The following DNAJC21 variants were observed in gnomAD, a reference collection of about 807,000 sequenced individuals.
DNAJC21 encodes dnaJ homolog subfamily C member 21.
Under a neutral mutation model 72.4 loss-of-function variants are expected in DNAJC21, and 63 were observed. That is an observed-to-expected ratio of 0.87 (90% CI 0.71 to 1.07). DNAJC21 has a LOEUF of 1.07. DNAJC21 is among the 50% of genes least tolerant of loss of function. The pLI is 0.00. For missense variants in DNAJC21, 634 were observed against 644.8 expected, an observed-to-expected ratio of 0.98 and a Z score of 0.18; for synonymous variants, 203 against 216.7, an observed-to-expected ratio of 0.94 and a Z score of 0.56.
intron 7 of DNAJC21, among the ~76,000 whole-genome samples, chr5:34,944,086 A>G (rs1365246199): frequency 2.0e-5 from 3 of 152,222 alleles, no homozygotes; most frequent in Non-Finnish European, 2.9e-5. Context: ...ATAGTTGACA[A>G]AGTTTCCTGC....
intron 7 of DNAJC21, among the ~76,000 whole-genome samples, chr5:34,942,590 A>G (rs540035067): frequency 1.3e-5 from 2 of 152,318 alleles, no homozygotes; most frequent in South Asian, 4.1e-4. Flanking sequence ...TGACACACTT[A>G]AAGGTAAATT....
intron 9 of DNAJC21, among the ~76,000 whole-genome samples, chr5:34,946,283 A>G (rs192414724): frequency 6.6e-6 from 1 of 152,290 alleles, no homozygotes; most frequent in African/African-American, 2.4e-5. Flanking sequence ...AGTTTAAGTA[A>G]TTTAAATATT....
intron 9 of DNAJC21, among the ~76,000 whole-genome samples, chr5:34,948,174 A>ATGTT (rs1241111896): frequency 2.6e-5 from 4 of 152,150 alleles, no homozygotes; most frequent in Admixed American, 6.5e-5. Flanking sequence ...TGAAGTGGAG[A>ATGTT]TGTTGGTATG....
At chr5:34,948,455 C>T (rs895325454) in intron 9 of DNAJC21, among the ~76,000 whole-genome samples, 9 of 152,026 alleles carry the variant, frequency 5.9e-5, no homozygotes, top group Non-Finnish European at 1.2e-4. Flanking sequence ...ACTCAAGATC[C>T]AGCTTGCGGG....
chr5:34,940,668 C>T (rs894241346), intron 6 of DNAJC21, among the ~76,000 whole-genome samples: 1 of 150,912 alleles, frequency 6.6e-6, no homozygotes. Context: ...ATCCGTCTTA[C>T]AGTGATGGAA....
intron 7 of DNAJC21, 95 bp downstream of exon 7, chr5:34,941,278 G>T: frequency 1.8e-6 from 2 of 1,105,926 alleles, no homozygotes. Flanking sequence ...ACTCACCACA[G>T]CCTCGACCTG....
rs1765512277 is a variant in DNAJC21 at position 34,955,729 on chromosome 5, G to C, written c.*1015G>C. 1 of 152,012 alleles carries C rather than the reference G, an allele frequency of 6.6e-6. No individual in the cohort carries two copies. The highest frequency in any genetic ancestry group is 1.9e-4 in the East Asian group (1 of 5,182). The allele number at this position is 152,012 out of a possible 1,614,324, so 9.4% of individuals were successfully genotyped here. On this transcript the variant is annotated 3_prime_UTR_variant, in exon 12 of 12. Transcript: ENST00000648817. ...TGATCAGTATTGAGTCCATTTTTAG[G>C]ATGGATTAGTCAGTTCTTTTCATTG...
In DNAJC21 at chr5:34,956,341, A is replaced by G. The variant is rs973894778; in HGVS notation, c.*1627A>G. On this transcript the variant is annotated 3_prime_UTR_variant, in exon 12 of 12. Coordinates refer to ENST00000648817, the MANE Select transcript of DNAJC21 (RefSeq NM_001012339.3). ...ATTCTTTTCTTTTCCATTTAGAGAT[A>G]TGTTTTTTTCTTTACCTTCATACCT... 6.6e-6 allele frequency: 1 copy of G among 152,194 alleles called. No homozygotes were observed. The highest frequency in any genetic ancestry group is 1.5e-5 in the Non-Finnish European group (1 of 68,024). 9.4% of individuals were successfully genotyped at this position (152,194 alleles called of 1,614,324 possible). A position where few individuals can be genotyped will look rare whatever the true frequency, so the allele number is the denominator to read the frequency against.
At chr5:34,943,155 T>C (rs1765055000) in intron 7 of DNAJC21, among the ~76,000 whole-genome samples, 1 of 152,224 alleles carries the variant, frequency 6.6e-6, no homozygotes, top group Non-Finnish European at 1.5e-5. Flanking sequence ...TGATATGGTA[T>C]TTTTATCTAA....
At chr5:34,932,731 G>A (rs938781664) in intron 1 of DNAJC21, among the ~76,000 whole-genome samples, 2 of 152,218 alleles carry the variant, frequency 1.3e-5, no homozygotes, top group African/African-American at 4.8e-5. Flanking sequence ...TCAGTGCTCT[G>A]CCGGCTATTG....
Position 34,951,041 on chromosome 5 carries a change from A to G in DNAJC21, c.1358+699A>G, listed in dbSNP as rs1423411475. The G allele has an allele frequency of 3.0e-6, 3 of 985,416 alleles. No individual in the cohort carries two copies. The African/African-American group carries it at 5.2e-5, about 17-fold the overall frequency. The allele number at this position is 985,416 out of a possible 1,614,324, so 61.0% of individuals were successfully genotyped here. A position where few individuals can be genotyped will look rare whatever the true frequency, so the allele number is the denominator to read the frequency against. Reference sequence around the variant, plus strand: ...TAAAGTGAGAGAGCAAAGTGGGAGCATGACGTGAAAATGCTAACACTGGAG... The same window carrying G: ...TAAAGTGAGAGAGCAAAGTGGGAGCGTGACGTGAAAATGCTAACACTGGAG... On this transcript the variant is annotated intron_variant, in intron 10 of 11. Coordinates refer to ENST00000648817, the MANE Select transcript of DNAJC21 (RefSeq NM_001012339.3).
Position 34,937,594 on chromosome 5 carries a change from A to G in DNAJC21, c.707A>G (p.Glu236Gly), listed in dbSNP as rs1446589540. 6.2e-7 allele frequency: 1 copy of G among 1,613,638 alleles called. No individual in the cohort carries two copies. The highest frequency in any genetic ancestry group is 1.7e-5 in the Admixed American group (1 of 59,960). The change falls in exon 5 of 12, where the codon GAA (glutamate) becomes GGA (glycine). Residue 236 changes from glutamate (E) to glycine (G), a missense_variant. Physicochemically the swap from Glu to Gly is moderately conservative, Grantham distance 98. Transcript: ENST00000648817. ...EQNAEKARKA[E>G]EMRRQQKLKQ... is the part of the protein sequence containing the mutation. Reference sequence around the variant, plus strand: ...AATGCAGAGAAGGCGAGGAAAGCCGAAGAGATGAGGCGGCAGCAGAAGCTA... The same window carrying G: ...AATGCAGAGAAGGCGAGGAAAGCCGGAGAGATGAGGCGGCAGCAGAAGCTA...
intron 9 of DNAJC21, chr5:34,949,802 C>T (rs1373333331): frequency 2.0e-6 from 3 of 1,488,370 alleles, no homozygotes; most frequent in African/African-American, 1.4e-5. Flanking sequence ...AAAGTATCAT[C>T]CTTAATTTTA....
intron 1 of DNAJC21, among the ~76,000 whole-genome samples, chr5:34,933,031 G>A (rs1463963602): frequency 1.3e-5 from 2 of 152,180 alleles, no homozygotes; most frequent in Non-Finnish European, 2.9e-5. Flanking sequence ...GACGCTTTCT[G>A]AATTCCATGG....
rs958193886 is a variant in DNAJC21 at position 34,936,397 on chromosome 5, C to T, written c.438+131C>T. ...GCAGTGGTATGATCATATCTCACAG[C>T]AGCCTCAAACTCCTGGGCTTAAGCA... On this transcript the variant is annotated intron_variant, in intron 4 of 11. Transcript: ENST00000648817. The T allele has an allele frequency of 1.3e-4, 144 of 1,070,406 alleles. No homozygotes were observed. In the African/African-American group the frequency reaches 2.0e-3, roughly 15 times the overall value. 66.3% of individuals were successfully genotyped at this position (1,070,406 alleles called of 1,614,324 possible). A position where few individuals can be genotyped will look rare whatever the true frequency, so the allele number is the denominator to read the frequency against.
Position 34,954,856 on chromosome 5 carries a change from T to C in DNAJC21, c.*142T>C. 2.0e-6 allele frequency: 2 copies of C among 1,020,684 alleles called. No individual in the cohort carries two copies. Among genetic ancestry groups the C allele is most frequent in the South Asian group, 4.8e-5 (2 of 41,326 alleles). The allele number at this position is 1,020,684 out of a possible 1,614,324, so 63.2% of individuals were successfully genotyped here. On this transcript the variant is annotated 3_prime_UTR_variant, in exon 12 of 12. Transcript: ENST00000648817. Reference sequence around the variant, plus strand: ...TTATTTTTTATCTTGTAAAAACACTTTTTTGGTTTAATATATATTTTTAAA... The same window carrying C: ...TTATTTTTTATCTTGTAAAAACACTCTTTTGGTTTAATATATATTTTTAAA...
At chr5:34,935,683 A>G (rs773687383) in intron 2 of DNAJC21, 27 bp from the exon 3 acceptor site, 1 of 1,613,460 alleles carries the variant, frequency 6.2e-7, no homozygotes, top group East Asian at 2.2e-5. Flanking sequence ...TTCAGCCTTC[A>G]CAATGATGCT....
At chr5:34,930,193 A>C (rs1764538591) in intron 1 of DNAJC21, 24 of 230,976 alleles carry the variant, frequency 1.0e-4, no homozygotes, top group Non-Finnish European at 1.5e-4. Context: ...CAACAACCTC[A>C]CTTGCTCCCG....
intron 4 of DNAJC21, among the ~76,000 whole-genome samples, chr5:34,936,785 C>T (rs1764794159): frequency 6.6e-6 from 1 of 152,060 alleles, no homozygotes; most frequent in Non-Finnish European, 1.5e-5. Context: ...CATTTCACTT[C>T]TGTTGCTCAG....
Sources: allele counts gnomAD v4.1 joint callset (sites outside exome capture counted in the v4.1 genomes callset), GRCh38; gene constraint gnomAD v4.1.1; transcripts MANE v1.5; gene names NCBI Gene and HGNC (gene_info 2026-07-23, HGNC 2026-07-21).